HMBOX1: variants seen among roughly 807,000 people sequenced by gnomAD.
HMBOX1 encodes the protein homeobox-containing protein 1.
In HMBOX1, 14 loss-of-function variants were observed where a neutral mutation model predicts 54.5. The observed-to-expected ratio is 0.26, with a 90% CI of 0.17 to 0.40. The LOEUF is 0.40. Ranked by LOEUF, HMBOX1 falls within the 10% of genes least tolerant of loss-of-function variation. The probability of loss-of-function intolerance (pLI) is 1.00; values close to 1 mark genes in which losing one functional copy is unlikely to be tolerated. For synonymous variants in HMBOX1, 160 were observed against 181.0 expected, an observed-to-expected ratio of 0.88 and a Z score of 0.93; for missense variants, 332 against 514.4, an observed-to-expected ratio of 0.65 and a Z score of 3.43.
At chr8:29,025,160 T>C (rs1436810248) in intron 6 of HMBOX1, among the ~76,000 whole-genome samples, 1 of 151,908 alleles carries the variant, frequency 6.6e-6, no homozygotes, top group Non-Finnish European at 1.5e-5. Context: ...TAAAAAGTGA[T>C]AGATATCAGA....
At chr8:28,914,677 A>G (rs1222198947) in intron 1 of HMBOX1, among the ~76,000 whole-genome samples, 2 of 152,254 alleles carry the variant, frequency 1.3e-5, no homozygotes, top group Non-Finnish European at 2.9e-5. Flanking sequence ...TTAGAGGGTC[A>G]GTAACATTTG....
chr8:28,903,936 G>T (rs1813754639), intron 1 of HMBOX1, among the ~76,000 whole-genome samples: 1 of 152,200 alleles, frequency 6.6e-6, no homozygotes, highest in African/African-American at 2.4e-5. Flanking sequence ...CTATTGCCAT[G>T]TAGTGGGTAA....
intron 3 of HMBOX1, among the ~76,000 whole-genome samples, chr8:28,974,057 GCCCA>G (rs1642457574): frequency 6.6e-6 from 1 of 151,770 alleles, no homozygotes; most frequent in Non-Finnish European, 1.5e-5. Context: ...CAAGTGATCC[GCCCA>G]CCTTGGCCTC....
chr8:28,953,113 G>A (rs1384942520), intron 1 of HMBOX1, among the ~76,000 whole-genome samples: 2 of 152,202 alleles, frequency 1.3e-5, no homozygotes, highest in East Asian at 3.9e-4. Context: ...CCCAGTGAGT[G>A]TCTGACCCAA....
chr8:29,047,206 G>T (rs548628430), intron 7 of HMBOX1, 152 bp from the exon 8 acceptor site: 3 of 597,180 alleles, frequency 5.0e-6, no homozygotes, highest in Non-Finnish European at 9.0e-6. Context: ...TGTGTACATG[G>T]TACCAGGTAA....
chr8:28,947,280 G>A (rs912727401), intron 1 of HMBOX1, among the ~76,000 whole-genome samples: 6 of 152,148 alleles, frequency 3.9e-5, no homozygotes, highest in Non-Finnish European at 7.4e-5. Context: ...CATGAGTATT[G>A]GGTAAAGGAT....
intron 3 of HMBOX1, among the ~76,000 whole-genome samples, chr8:28,973,817 T>TGTTTTTTGTTTTTTG (rs1563501898): frequency 2.3e-5 from 3 of 128,368 alleles, no homozygotes; most frequent in African/African-American, 9.9e-5. Flanking sequence ...TTTTTTTTTT[T>TGTTTTTTGTTTTTTG]TTTTTTTTTT....
At chr8:29,007,140 T>G (rs1833574749) in intron 4 of HMBOX1, among the ~76,000 whole-genome samples, 1 of 151,760 alleles carries the variant, frequency 6.6e-6, no homozygotes, top group Admixed American at 6.6e-5. Flanking sequence ...AATACAAAAA[T>G]TATCTGGGCA....
intron 1 of HMBOX1, among the ~76,000 whole-genome samples, chr8:28,897,062 G>A (rs1050308053): frequency 1.3e-5 from 2 of 149,178 alleles, no homozygotes; most frequent in East Asian, 2.0e-4. Context: ...TCATCTCACC[G>A]CAACTTCTGC....
chr8:28,939,215 G>T (rs913699374), intron 1 of HMBOX1, among the ~76,000 whole-genome samples: 1 of 151,702 alleles, frequency 6.6e-6, no homozygotes, highest in Non-Finnish European at 1.5e-5. Context: ...CTTGAACCTG[G>T]GAGGCAGAGG....
rs542770775 is a variant in HMBOX1, at chr8:28,945,433, C to T, written c.-57-18378C>T. Among the ~76,000 whole-genome samples the T allele has an allele frequency of 1.2e-3, 186 of 152,228 alleles. 1 individual carries two copies. The highest frequency in any genetic ancestry group is 1.7e-3 in the Non-Finnish European group (117 of 68,002). ...CAACTCCAAGTTTTTCATTTTAGGA[C>T]GATTACTTTGTTAACTATGTATAAC... On this transcript the variant is annotated intron_variant, in intron 1 of 9. Coordinates refer to ENST00000287701, the MANE Select transcript of HMBOX1 (RefSeq NM_001135726.3).
At chr8:29,039,332 G>A (rs1009406844) in intron 6 of HMBOX1, among the ~76,000 whole-genome samples, 3 of 152,064 alleles carry the variant, frequency 2.0e-5, no homozygotes, top group Non-Finnish European at 4.4e-5. Flanking sequence ...TCCCGACTTC[G>A]TTGGCAGCTC....
chr8:28,989,372 A>G (rs1005829128), intron 4 of HMBOX1, among the ~76,000 whole-genome samples: 7 of 152,138 alleles, frequency 4.6e-5, no homozygotes, highest in East Asian at 1.9e-4. Context: ...CATTAGGTCA[A>G]TGGACCATTT....
chr8:29,021,728 C>T lies in HMBOX1; in HGVS notation c.851+2815C>T, dbSNP rs180791802. On this transcript the variant is annotated intron_variant, in intron 6 of 9. Coordinates refer to ENST00000287701, the MANE Select transcript of HMBOX1 (RefSeq NM_001135726.3). The stretch of plus-strand genomic sequence containing the variant: ...AAAAAAAATTAGCCGGGCGTGGTGG[C>T]GGGCACCTGTAGTCCCAGCTACTCG... 4.0e-3 allele frequency among the ~76,000 whole-genome samples: 603 copies of T among 151,644 alleles called. 2 individuals carry two copies. The highest frequency in any genetic ancestry group is 0.013 in the African/African-American group (550 of 41,352).
At chr8:28,928,145 A>G (rs1192247742) in intron 1 of HMBOX1, among the ~76,000 whole-genome samples, 2 of 151,770 alleles carry the variant, frequency 1.3e-5, no homozygotes, top group Admixed American at 1.3e-4. Flanking sequence ...AAAAAAAAAA[A>G]GAACTACTAC....
At chr8:28,944,474 C>G (rs538287957) in intron 1 of HMBOX1, among the ~76,000 whole-genome samples, 5 of 152,318 alleles carry the variant, frequency 3.3e-5, no homozygotes, top group Non-Finnish European at 1.5e-5. Flanking sequence ...GTTTTTCTGT[C>G]TGAAGTCATT....
chr8:28,935,343 T>C (rs1820211484), intron 1 of HMBOX1, among the ~76,000 whole-genome samples: 1 of 152,148 alleles, frequency 6.6e-6, no homozygotes. Context: ...TTACACAACT[T>C]AAGACTGTGT....
At chr8:28,918,447 C>T (rs1474090100) in intron 1 of HMBOX1, among the ~76,000 whole-genome samples, 1 of 151,942 alleles carries the variant, frequency 6.6e-6, no homozygotes, top group African/African-American at 2.4e-5. Context: ...TTGTGATCCG[C>T]CTGCCTTGGC....
intron 1 of HMBOX1, among the ~76,000 whole-genome samples, chr8:28,912,800 C>T (rs1289053711): frequency 6.6e-6 from 1 of 152,140 alleles, no homozygotes; most frequent in African/African-American, 2.4e-5. Flanking sequence ...ACAGACTAGC[C>T]TAGGCCTCTC....
Sources: allele counts gnomAD v4.1 joint callset (sites outside exome capture counted in the v4.1 genomes callset), GRCh38; gene constraint gnomAD v4.1.1; transcripts MANE v1.5; gene names NCBI Gene and HGNC (gene_info 2026-07-23, HGNC 2026-07-21).